ARPC1A: variants seen among roughly 807,000 people sequenced by gnomAD.
The protein encoded by ARPC1A is actin related protein 2/3 complex subunit 1A, also known as actin-related protein 2/3 complex subunit 1A.
ARPC1A carries 8 observed loss-of-function variants against 46.9 expected under a neutral mutation model. The ratio of observed to expected loss-of-function variants is 0.17; its 90% CI spans 0.10 to 0.31. The LOEUF is 0.31. ARPC1A is among the 10% of genes least tolerant of loss of function. ARPC1A has a pLI of 1.00. For missense variants in ARPC1A, 286 were observed against 483.6 expected (o/e 0.59, Z 3.83); for synonymous variants, 152 against 169.0 (o/e 0.90, Z 0.78).
intron 1 of ARPC1A, among the ~76,000 whole-genome samples, chr7:99,330,221 T>C (rs1193559648): frequency 6.6e-6 from 1 of 152,214 alleles, no homozygotes; most frequent in East Asian, 1.9e-4. Flanking sequence ...TAGAATAGAA[T>C]ATGAAATGCT....
At chr7:99,348,712 T>C (rs1171668165) in intron 4 of ARPC1A, 140 bp from the exon 5 acceptor site, 1 of 495,988 alleles carries the variant, frequency 2.0e-6, no homozygotes, top group Non-Finnish European at 3.5e-6. Flanking sequence ...AAAAAAATAA[T>C]ATTCTGAATT....
At chr7:99,346,641 A>G (rs1348901882) in intron 4 of ARPC1A, among the ~76,000 whole-genome samples, 1 of 152,194 alleles carries the variant, frequency 6.6e-6, no homozygotes, top group Non-Finnish European at 1.5e-5. Context: ...ATTCAGCCAT[A>G]TGAACTAATT....
chr7:99,327,089 C>G (rs533269145), intron 1 of ARPC1A, among the ~76,000 whole-genome samples: 1 of 152,112 alleles, frequency 6.6e-6, no homozygotes. Flanking sequence ...TGTGGTTTCA[C>G]ATAGGGCCTG....
intron 5 of ARPC1A, among the ~76,000 whole-genome samples, chr7:99,350,495 C>G (rs1430013314): frequency 3.3e-5 from 5 of 152,084 alleles, no homozygotes; most frequent in Non-Finnish European, 7.3e-5. Context: ...AGGATCATAC[C>G]ATGGAATTCC....
At chr7:99,330,750 C>T (rs1793131916) in intron 1 of ARPC1A, among the ~76,000 whole-genome samples, 1 of 152,186 alleles carries the variant, frequency 6.6e-6, no homozygotes, top group African/African-American at 2.4e-5. Flanking sequence ...CATCAGAATT[C>T]ATATCTCACA....
At chr7:99,348,131 A>C (rs1793490225) in intron 4 of ARPC1A, among the ~76,000 whole-genome samples, 1 of 152,196 alleles carries the variant, frequency 6.6e-6, no homozygotes, top group Non-Finnish European at 1.5e-5. Context: ...AGATTCGTGG[A>C]GACTTGGGAA....
chr7:99,338,400 T>G, intron 3 of ARPC1A, 115 bp downstream of exon 3: 1 of 745,548 alleles, frequency 1.3e-6, no homozygotes, highest in East Asian at 3.2e-5. Context: ...TTTTTTTTTT[T>G]TTTGAGAAGG....
At chr7:99,364,856 G>A (rs542981415) in intron 9 of ARPC1A, among the ~76,000 whole-genome samples, 1 of 152,314 alleles carries the variant, frequency 6.6e-6, no homozygotes, top group East Asian at 1.9e-4. Flanking sequence ...AGAAGAGAGA[G>A]GTGGATACGG....
At chr7:99,335,424 A>G (rs577745825) in intron 2 of ARPC1A, 2 of 442,994 alleles carry the variant, frequency 4.5e-6, no homozygotes, top group East Asian at 7.6e-5. Flanking sequence ...ATTCTATTCC[A>G]TTGTTCTTTA....
intron 8 of ARPC1A, 135 bp downstream of exon 8, chr7:99,359,873 G>A (rs902995444): frequency 1.0e-5 from 11 of 1,055,314 alleles, no homozygotes; most frequent in African/African-American, 1.6e-5. Context: ...GCAGCAAGAA[G>A]TCTGTATCTT....
intron 1 of ARPC1A, among the ~76,000 whole-genome samples, chr7:99,327,765 C>T (rs1301163040): frequency 6.6e-6 from 1 of 152,104 alleles, no homozygotes; most frequent in Non-Finnish European, 1.5e-5. Flanking sequence ...TCATCCAATG[C>T]TGAAACAAAT....
At chr7:99,362,527 A>C (rs1368511370) in intron 8 of ARPC1A, among the ~76,000 whole-genome samples, 4 of 141,830 alleles carry the variant, frequency 2.8e-5, no homozygotes, top group Non-Finnish European at 6.0e-5. Context: ...ATCTTTTAGT[A>C]GAGACAGAGT....
intron 3 of ARPC1A, 144 bp downstream of exon 3, chr7:99,338,429 A>G (rs993186329): frequency 2.0e-6 from 1 of 509,548 alleles, no homozygotes. Context: ...TCTTTCGCCC[A>G]GGCTGGACTG....
chr7:99,353,315 C>A (rs1793578031), intron 5 of ARPC1A, among the ~76,000 whole-genome samples: 1 of 151,754 alleles, frequency 6.6e-6, no homozygotes, highest in Non-Finnish European at 1.5e-5. Context: ...CCTGCCACCA[C>A]ACCCGGCTAA....
chr7:99,353,128 GTTAT>G (rs1793573901), intron 5 of ARPC1A, among the ~76,000 whole-genome samples: 1 of 124,318 alleles, frequency 8.0e-6, no homozygotes, highest in African/African-American at 3.9e-5. Context: ...GTTATGTTAT[GTTAT>G]GTTATGTTAT....
At chr7:99,352,973 A>G (rs1793569170) in intron 5 of ARPC1A, among the ~76,000 whole-genome samples, 1 of 151,242 alleles carries the variant, frequency 6.6e-6, no homozygotes, top group African/African-American at 2.4e-5. Context: ...CCCCAAAAAT[A>G]TATATATATA....
intron 3 of ARPC1A, among the ~76,000 whole-genome samples, 188 bp downstream of exon 3, chr7:99,338,473 C>T (rs988816331): frequency 6.7e-6 from 1 of 149,596 alleles, no homozygotes; most frequent in Non-Finnish European, 1.5e-5. Flanking sequence ...GCAACCTCCA[C>T]CTCCCGGGTT....
intron 7 of ARPC1A, 105 bp from the exon 8 acceptor site, chr7:99,359,435 CAAAAA>C (rs60691102): frequency 1.6e-3 from 1,273 of 801,306 alleles, no homozygotes; most frequent in Non-Finnish European, 1.9e-3. Context: ...GACTCGGTCT[CAAAAA>C]AAAAAAAAAA....
chr7:99,351,636 C>G (rs919822893), intron 5 of ARPC1A, among the ~76,000 whole-genome samples: 1 of 152,186 alleles, frequency 6.6e-6, no homozygotes, highest in Non-Finnish European at 1.5e-5. Flanking sequence ...AGATTTAAAG[C>G]ACAGTGTTTC....
Sources: gnomAD v4.1 joint callset for allele counts (sites outside exome capture counted in the v4.1 genomes callset) on GRCh38, gnomAD v4.1.1 for gene constraint, MANE v1.5 for transcripts, NCBI Gene and HGNC (gene_info 2026-07-23, HGNC 2026-07-21) for gene names.